ANKH: variants seen among roughly 807,000 people sequenced by gnomAD.
ANKH encodes the protein mineralization regulator ANKH.
ANKH carries 15 observed loss-of-function variants against 49.0 expected under a neutral mutation model. The observed-to-expected ratio is 0.31, with a 90% confidence interval of 0.20 to 0.47. The LOEUF (loss-of-function observed/expected upper bound fraction) is 0.47, where lower values mean the gene tolerates loss of function less well. ANKH is among the 20% of genes least tolerant of loss of function. ANKH has a pLI of 1.00. For missense variants in ANKH, 429 were observed against 652.0 expected (o/e 0.66, Z 3.72); for synonymous variants, 273 against 260.0 (o/e 1.05, Z -0.48).
At chr5:14,716,665 A>G (rs770268620) in intron 9 of ANKH, 41 bp downstream of exon 9, 1 of 1,612,304 alleles carries the variant, frequency 6.2e-7, no homozygotes, top group Non-Finnish European at 8.5e-7. Flanking sequence ...ATTAGGCATG[A>G]GGATAAACAG....
Position 14,705,910 on chromosome 5 carries a change from G to GT in ANKH, c.*5286dup, listed in dbSNP as rs1414587468. ...TCAGGGAACCAGCATCTACCCGGTTGTAATGTTCCCCTAATGTTCCCCAAC... is the reference window on the plus strand; with the variant it reads ...TCAGGGAACCAGCATCTACCCGGTTGTTAATGTTCCCCTAATGTTCCCCAAC... On this transcript the variant is annotated 3_prime_UTR_variant, in exon 12 of 12. Coordinates refer to ENST00000284268, the MANE Select transcript of ANKH (RefSeq NM_054027.6). The GT allele has an allele frequency of 6.6e-6, 1 of 151,592 alleles. No homozygotes were observed. The highest frequency in any genetic ancestry group is 6.6e-5 in the Admixed American group (1 of 15,082). The allele number at this position is 151,592 out of a possible 1,614,324, so 9.4% of individuals were successfully genotyped here.
chr5:14,822,158 T>G (rs1165665084), intron 1 of ANKH, among the ~76,000 whole-genome samples: 1 of 152,214 alleles, frequency 6.6e-6, no homozygotes, highest in African/African-American at 2.4e-5. Flanking sequence ...AAAGTGCTAG[T>G]CTGAACTGTG....
At chr5:14,767,310 C>G (rs1168596607) in intron 2 of ANKH, among the ~76,000 whole-genome samples, 1 of 152,146 alleles carries the variant, frequency 6.6e-6, no homozygotes, top group Non-Finnish European at 1.5e-5. Context: ...GGCCAACACT[C>G]TAGAAAAGGG....
chr5:14,756,015 A>G, intron 3 of ANKH, 71 bp from the exon 4 acceptor site: 1 of 1,329,818 alleles, frequency 7.5e-7, no homozygotes, highest in Non-Finnish European at 1.1e-6. Context: ...GTTGAGATTT[A>G]CTGGGCATTC....
chr5:14,793,037 A>ATAT (rs1554006446), intron 1 of ANKH, among the ~76,000 whole-genome samples: 31 of 56,194 alleles, frequency 5.5e-4, no homozygotes, highest in East Asian at 1.3e-3. Context: ...TATATATAAA[A>ATAT]ATATATATAT....
At position 14,871,518 on chromosome 5, in the gene ANKH, ACGGGGC is replaced by A; in HGVS notation, c.-77_-72del. 3 of 365,016 alleles carry A rather than the reference ACGGGGC, an allele frequency of 8.2e-6. No individual in the cohort carries two copies. Among genetic ancestry groups the A allele is most frequent in the South Asian group, 7.7e-5 (2 of 25,946 alleles). 22.6% of individuals were successfully genotyped at this position (365,016 alleles called of 1,614,324 possible). A position where few individuals can be genotyped will look rare whatever the true frequency, so the allele number is the denominator to read the frequency against. ...GGACTCTGCGGGGAGGCGAGGGGCGACGGGGCGACGGGGCGAGCGGGGCGCGGGCCG... is the reference window on the plus strand; with the variant it reads ...GGACTCTGCGGGGAGGCGAGGGGCGAGACGGGGCGAGCGGGGCGCGGGCCG... On this transcript the variant is annotated 5_prime_UTR_variant, in exon 1 of 12. Coordinates refer to ENST00000284268, the MANE Select transcript of ANKH (RefSeq NM_054027.6).
At chr5:14,774,021 C>T (rs891092522) in intron 1 of ANKH, among the ~76,000 whole-genome samples, 2 of 152,096 alleles carry the variant, frequency 1.3e-5, no homozygotes, top group African/African-American at 2.4e-5. Flanking sequence ...AAAATCATCC[C>T]AATTTCAAGA....
intron 1 of ANKH, among the ~76,000 whole-genome samples, chr5:14,790,098 A>G (rs1446276018): frequency 2.0e-5 from 3 of 152,204 alleles, no homozygotes; most frequent in Admixed American, 2.0e-4. Flanking sequence ...CCAATTCCCC[A>G]ATATAGAATA....
chr5:14,864,809 T>C (rs1358969407), intron 1 of ANKH, among the ~76,000 whole-genome samples: 1 of 152,232 alleles, frequency 6.6e-6, no homozygotes, highest in African/African-American at 2.4e-5. Context: ...ACTTAAATAC[T>C]TTTAAATAGT....
chr5:14,781,361 G>C (rs1256226917), intron 1 of ANKH, among the ~76,000 whole-genome samples: 1 of 152,134 alleles, frequency 6.6e-6, no homozygotes, highest in African/African-American at 2.4e-5. Context: ...TCCATATTTA[G>C]TGCTTCCTGA....
chr5:14,750,089 A>G (rs1259261670), intron 5 of ANKH, among the ~76,000 whole-genome samples: 2 of 152,324 alleles, frequency 1.3e-5, no homozygotes, highest in East Asian at 3.9e-4. Flanking sequence ...ATAGGATTTT[A>G]CTGACAGTCT....
At chr5:14,807,029 C>A (rs1250885085) in intron 1 of ANKH, among the ~76,000 whole-genome samples, 1 of 152,008 alleles carries the variant, frequency 6.6e-6, no homozygotes, top group African/African-American at 2.4e-5. Context: ...TTCTTCCTGA[C>A]CAAGCATTAA....
chr5:14,852,808 G>A (rs62353772), intron 1 of ANKH, among the ~76,000 whole-genome samples: 13,650 of 151,992 alleles, frequency 0.09, 816 homozygotes, highest in Admixed American at 0.12. Context: ...TTACCATCCC[G>A]GCCCACTCAA....
chr5:14,827,232 T>A (rs1400076969), intron 1 of ANKH, among the ~76,000 whole-genome samples: 1 of 152,230 alleles, frequency 6.6e-6, no homozygotes, highest in East Asian at 1.9e-4. Flanking sequence ...GGGCCACTGC[T>A]CTAAGTACTG....
chr5:14,829,747 G>C (rs1286500428), intron 1 of ANKH, among the ~76,000 whole-genome samples: 1 of 152,118 alleles, frequency 6.6e-6, no homozygotes, highest in Non-Finnish European at 1.5e-5. Context: ...GTTTTATTTA[G>C]ACAGGTACCT....
intron 1 of ANKH, among the ~76,000 whole-genome samples, chr5:14,814,454 T>A (rs1740974275): frequency 6.6e-6 from 1 of 152,054 alleles, no homozygotes; most frequent in African/African-American, 2.4e-5. Flanking sequence ...AATGTTTTTT[T>A]AATTAGCGAT....
At chr5:14,764,784 C>T (rs1231404840) in intron 2 of ANKH, among the ~76,000 whole-genome samples, 1 of 152,162 alleles carries the variant, frequency 6.6e-6, no homozygotes, top group Non-Finnish European at 1.5e-5. Flanking sequence ...GTCTGGCAAA[C>T]AGAACTGGTC....
At chr5:14,719,045 T>C (rs1737581367) in intron 8 of ANKH, among the ~76,000 whole-genome samples, 1 of 152,128 alleles carries the variant, frequency 6.6e-6, no homozygotes, top group African/African-American at 2.4e-5. Flanking sequence ...CGTCTCAGAC[T>C]GAAAGATACC....
At chr5:14,775,428 G>A (rs1263984154) in intron 1 of ANKH, among the ~76,000 whole-genome samples, 1 of 152,156 alleles carries the variant, frequency 6.6e-6, no homozygotes, top group East Asian at 1.9e-4. Context: ...TGTAATAAAA[G>A]TTATGTCAAT....
Sources: gnomAD v4.1 joint callset for allele counts (sites outside exome capture counted in the v4.1 genomes callset) on GRCh38, gnomAD v4.1.1 for gene constraint, MANE v1.5 for transcripts, NCBI Gene and HGNC (gene_info 2026-07-23, HGNC 2026-07-21) for gene names.